Variants in MACC1 observed in about 807,000 individuals in gnomAD.
The protein encoded by MACC1 is metastasis-associated in colon cancer protein 1.
MACC1 carries 79 observed loss-of-function variants against 70.7 expected under a neutral mutation model. That is an observed-to-expected ratio of 1.12 (90% CI 0.93 to 1.35). The LOEUF is 1.35. Among genes scored for constraint, MACC1 ranks in the 40% most tolerant of loss-of-function variants. MACC1 has a pLI of 0.00. For missense variants in MACC1, 1,106 were observed against 978.1 expected, an observed-to-expected ratio of 1.13 and a Z score of -1.74; for synonymous variants, 361 against 347.2, an observed-to-expected ratio of 1.04 and a Z score of -0.44.
At chr7:20,148,788 G>C (rs1310365349) in intron 6 of MACC1, among the ~76,000 whole-genome samples, 2 of 152,104 alleles carry the variant, frequency 1.3e-5, no homozygotes, top group African/African-American at 2.4e-5. Context: ...AGTAGACAAT[G>C]GTAATCTAAA....
chr7:20,164,129 G>A (rs1231533149), intron 3 of MACC1, 127 bp downstream of exon 3: 1 of 152,162 alleles, frequency 6.6e-6, no homozygotes, highest in Admixed American at 6.5e-5. Context: ...TAGAGACAGG[G>A]TTTCACCATG....
chr7:20,208,125 A>G (rs1291911608), intron 1 of MACC1, among the ~76,000 whole-genome samples: 1 of 152,248 alleles, frequency 6.6e-6, no homozygotes, highest in Non-Finnish European at 1.5e-5. Context: ...CCCAGCATGC[A>G]GAACTGTGAG....
intron 1 of MACC1, among the ~76,000 whole-genome samples, chr7:20,186,276 T>C (rs955765653): frequency 6.6e-6 from 1 of 152,184 alleles, no homozygotes; most frequent in Non-Finnish European, 1.5e-5. Context: ...GGTTTTCTAA[T>C]ACAAGTAATG....
At chr7:20,210,860 A>C (rs1782985357) in intron 1 of MACC1, among the ~76,000 whole-genome samples, 2 of 152,164 alleles carry the variant, frequency 1.3e-5, no homozygotes, top group Non-Finnish European at 2.9e-5. Context: ...ATATTTTCTA[A>C]AGAGCTACTG....
intron 1 of MACC1, among the ~76,000 whole-genome samples, chr7:20,171,255 CT>C (rs60086169): frequency 0.077 from 11,156 of 144,046 alleles, 1,181 homozygotes; most frequent in African/African-American, 0.25. Context: ...ATTTTATTTT[CT>C]TTTTTTTTTT....
At chr7:20,204,358 G>C (rs1161800534) in intron 1 of MACC1, among the ~76,000 whole-genome samples, 1 of 152,140 alleles carries the variant, frequency 6.6e-6, no homozygotes, top group African/African-American at 2.4e-5. Flanking sequence ...GTTTCACCGT[G>C]TTAGCCAGGA....
At chr7:20,177,487 T>C (rs1194598128) in intron 1 of MACC1, among the ~76,000 whole-genome samples, 1 of 152,134 alleles carries the variant, frequency 6.6e-6, no homozygotes. Context: ...TTAAACCATA[T>C]AAGTATGTGA....
chr7:20,170,285 T>G (rs941362066), intron 2 of MACC1: 1 of 152,208 alleles, frequency 6.6e-6, no homozygotes, highest in African/African-American at 2.4e-5. Flanking sequence ...TCAATAAAGC[T>G]TTTTTAAAAA....
chr7:20,145,153 T>C (rs1245770053), intron 6 of MACC1, among the ~76,000 whole-genome samples: 1 of 152,190 alleles, frequency 6.6e-6, no homozygotes, highest in East Asian at 1.9e-4. Context: ...ATTTTTTCCC[T>C]CTGCAGGGTT....
intron 1 of MACC1, among the ~76,000 whole-genome samples, chr7:20,216,674 T>C (rs1285462801): frequency 6.6e-6 from 1 of 152,148 alleles, no homozygotes; most frequent in East Asian, 1.9e-4. Context: ...CAAGTTACCC[T>C]CCATCATGTA....
chr7:20,171,401 G>A lies in MACC1; in HGVS notation c.-217-623C>T, dbSNP rs191772239. Among the ~76,000 whole-genome samples, 883 of 149,722 alleles carry A rather than the reference G, an allele frequency of 5.9e-3. 16 individuals carry two copies. Among genetic ancestry groups the A allele is most frequent in the African/African-American group, 0.02 (829 of 40,694 alleles). On this transcript the variant is annotated intron_variant, in intron 1 of 6. Coordinates refer to ENST00000400331, the MANE Select transcript of MACC1 (RefSeq NM_182762.4). The stretch of plus-strand genomic sequence containing the variant: ...TGAGTAGCTGGGACTACACGTGCCC[G>A]CCACCACGCCCAGCTAATTTTTTTT...
rs942858699 is a variant in MACC1 at position 20,208,745 on chromosome 7, A to G, written c.-218+8554T>C. Among the ~76,000 whole-genome samples, 15 of 152,306 alleles carry G rather than the reference A, an allele frequency of 9.8e-5. No homozygotes were observed. The South Asian group carries it at 2.9e-3, about 29-fold the overall frequency. The stretch of plus-strand genomic sequence containing the variant: ...GAGCCAAATGTTAATCACCAAGACA[A>G]TGGGGAAAATGTCTCCGGGGCATGT... On this transcript the variant is annotated intron_variant, in intron 1 of 6. Coordinates refer to ENST00000400331, the MANE Select transcript of MACC1 (RefSeq NM_182762.4).
At position 20,140,852 on chromosome 7, in the gene MACC1, C is replaced by A. The variant is rs1781788195; in HGVS notation, c.*94G>T. 2 of 873,846 alleles carry A rather than the reference C, an allele frequency of 2.3e-6. No individual in the cohort carries two copies. Among genetic ancestry groups the A allele is most frequent in the South Asian group, 1.6e-5 (1 of 62,208 alleles). 54.1% of individuals were successfully genotyped at this position (873,846 alleles called of 1,614,324 possible). On this transcript the variant is annotated 3_prime_UTR_variant, in exon 7 of 7. Transcript: ENST00000400331. ...ACACACACACACAGACACACACACA[C>A]AGACACACAGAGACACACACAGACA...
At chr7:20,180,691 A>T (rs991033312) in intron 1 of MACC1, among the ~76,000 whole-genome samples, 36 of 151,936 alleles carry the variant, frequency 2.4e-4, no homozygotes, top group Admixed American at 4.6e-4. Context: ...CTAAAAATTT[A>T]AAAAAATTAG....
chr7:20,171,441 A>T (rs1782305206), intron 1 of MACC1, among the ~76,000 whole-genome samples: 1 of 151,266 alleles, frequency 6.6e-6, no homozygotes, highest in African/African-American at 2.4e-5. Flanking sequence ...TTTTTAGTAG[A>T]GACGGAATTT....
At chr7:20,200,468 G>A (rs1223562865) in intron 1 of MACC1, among the ~76,000 whole-genome samples, 5 of 152,152 alleles carry the variant, frequency 3.3e-5, no homozygotes, top group African/African-American at 9.7e-5. Flanking sequence ...TGGTCATAAC[G>A]ACAAATCCTG....
intron 5 of MACC1, 69 bp from the exon 6 acceptor site, chr7:20,154,450 T>G: frequency 6.9e-7 from 1 of 1,440,538 alleles, no homozygotes. Flanking sequence ...AAATTGGAAT[T>G]TTTATTACAT....
At position 20,177,646 on chromosome 7, in the gene MACC1, C is replaced by T. The variant is rs993827960; in HGVS notation, c.-217-6868G>A. Among the ~76,000 whole-genome samples the T allele has an allele frequency of 1.5e-4, 17 of 110,440 alleles. No homozygotes were observed. The East Asian group carries it at 2.2e-3, about 14-fold the overall frequency. The allele number at this position is 110,440 out of a possible 152,430, so 72.5% of individuals were successfully genotyped here. ...TGATTATTGTGCTTTACCATTTTAA[C>T]GCACTTTTTTCACAGTTTAATATAT... On this transcript the variant is annotated intron_variant, in intron 1 of 6. Coordinates refer to ENST00000400331, the MANE Select transcript of MACC1 (RefSeq NM_182762.4).
intron 1 of MACC1, among the ~76,000 whole-genome samples, chr7:20,211,842 A>ATAATGCCATACAGCCATG (rs1479814842): frequency 4.6e-4 from 70 of 152,350 alleles, no homozygotes; most frequent in Non-Finnish European, 8.8e-4. Context: ...TTATGATAGC[A>ATAATGCCATACAGCCATG]AAATGCCATA....
Sources: allele counts gnomAD v4.1 joint callset (sites outside exome capture counted in the v4.1 genomes callset), GRCh38; gene constraint gnomAD v4.1.1; transcripts MANE v1.5; gene names NCBI Gene and HGNC (gene_info 2026-07-23, HGNC 2026-07-21).